The following SLC22A25 variants were observed in gnomAD, a reference collection of about 807,000 sequenced individuals.
SLC22A25 encodes the protein solute carrier family 22 member 25, also known as MGI:2442751, MGI:2385316, MGI:3042283, MGI:3645714, MGI:3605624, MGI:2442750.
In SLC22A25, 44 loss-of-function variants were observed where a neutral mutation model predicts 45.9. That is an observed-to-expected ratio of 0.96 (90% CI 0.75 to 1.23). The LOEUF (loss-of-function observed/expected upper bound fraction) is 1.23. Ranked by LOEUF, SLC22A25 falls within the 50% of genes most tolerant of loss-of-function variation. The probability of loss-of-function intolerance (pLI) is 0.00; values close to 1 mark genes in which losing one functional copy is unlikely to be tolerated. For synonymous variants in SLC22A25, 283 were observed against 238.6 expected (o/e 1.19, Z -1.72); for missense variants, 800 against 666.4 (o/e 1.20, Z -2.21).
intron 5 of SLC22A25, among the ~76,000 whole-genome samples, chr11:63,218,731 G>A (rs1003119284): frequency 6.6e-6 from 1 of 151,998 alleles, no homozygotes; most frequent in Admixed American, 6.6e-5. Flanking sequence ...GATTTTCAGG[G>A]GAGGGTTAAA....
intron 5 of SLC22A25, among the ~76,000 whole-genome samples, chr11:63,223,373 T>G (rs1179757899): frequency 6.6e-6 from 1 of 152,116 alleles, no homozygotes; most frequent in African/African-American, 2.4e-5. Flanking sequence ...TATCTAGGAA[T>G]TTACCCATTT....
intron 3 of SLC22A25, among the ~76,000 whole-genome samples, chr11:63,234,893 A>G (rs950698256): frequency 5.3e-5 from 8 of 152,134 alleles, no homozygotes; most frequent in Non-Finnish European, 1.0e-4. Context: ...TCCTTCACTA[A>G]TGAAGCTTAG....
chr11:63,161,126 G>A lies in SLC22A25; in HGVS notation c.*2698C>T, dbSNP rs2087529894. Among the ~76,000 whole-genome samples, 1 of 152,166 alleles carries A rather than the reference G, an allele frequency of 6.6e-6. No individual in the cohort carries two copies. The highest frequency in any genetic ancestry group is 2.4e-5 in the African/African-American group (1 of 41,440). ...AATCATGGTGGAAGACGATTCCCATGTAGTCAGTGCCTTTTATCTAGGTAC... is the reference window on the plus strand; with the variant it reads ...AATCATGGTGGAAGACGATTCCCATATAGTCAGTGCCTTTTATCTAGGTAC... On this transcript the variant is annotated 3_prime_UTR_variant, in exon 12 of 12. Coordinates refer to ENST00000306494, the MANE Select transcript of SLC22A25 (RefSeq NM_199352.6).
chr11:63,241,323 C>A (rs1204755738), intron 1 of SLC22A25, among the ~76,000 whole-genome samples: 1 of 152,098 alleles, frequency 6.6e-6, no homozygotes, highest in Non-Finnish European at 1.5e-5. Flanking sequence ...ATTGGAGAGG[C>A]TAATGACAGA....
intron 7 of SLC22A25, among the ~76,000 whole-genome samples, chr11:63,189,535 C>A (rs1334862131): frequency 6.6e-6 from 1 of 152,048 alleles, no homozygotes; most frequent in Non-Finnish European, 1.5e-5. Context: ...GAGCATTTAG[C>A]CTATTTACAT....
chr11:63,207,722 CCTT>C (rs1290796123), intron 7 of SLC22A25, among the ~76,000 whole-genome samples: 2 of 152,178 alleles, frequency 1.3e-5, no homozygotes, highest in Non-Finnish European at 2.9e-5. Flanking sequence ...CCTTATCTCT[CCTT>C]CTTTCCTAGG....
At chr11:63,223,310 T>C (rs1442586052) in intron 5 of SLC22A25, among the ~76,000 whole-genome samples, 1 of 152,204 alleles carries the variant, frequency 6.6e-6, no homozygotes, top group East Asian at 1.9e-4. Flanking sequence ...TACTTGTTAT[T>C]GGTCTGTTCT....
intron 5 of SLC22A25, among the ~76,000 whole-genome samples, chr11:63,226,913 G>T (rs2089973451): frequency 6.6e-6 from 1 of 152,212 alleles, no homozygotes; most frequent in South Asian, 2.1e-4. Flanking sequence ...GAATCTGTCT[G>T]TGTGTCCAAT....
chr11:63,204,965 C>T (rs1207502383), intron 7 of SLC22A25, among the ~76,000 whole-genome samples: 1 of 152,208 alleles, frequency 6.6e-6, no homozygotes. Context: ...AACAGTCTCT[C>T]AGACCACAGT....
chr11:63,203,618 A>G (rs1280295639), intron 7 of SLC22A25, among the ~76,000 whole-genome samples: 1 of 152,078 alleles, frequency 6.6e-6, no homozygotes, highest in African/African-American at 2.4e-5. Flanking sequence ...AAAAAGAATG[A>G]AAAGGAATGA....
At chr11:63,179,528 C>G (rs771011894) in intron 9 of SLC22A25, among the ~76,000 whole-genome samples, 6 of 152,042 alleles carry the variant, frequency 3.9e-5, no homozygotes, top group Non-Finnish European at 8.8e-5. Context: ...TTCTGTTTTT[C>G]AGGAACTGGC....
chr11:63,231,304 C>T (rs1436275450), intron 3 of SLC22A25, among the ~76,000 whole-genome samples: 1 of 152,170 alleles, frequency 6.6e-6, no homozygotes, highest in Non-Finnish European at 1.5e-5. Flanking sequence ...ACATCCTCTC[C>T]AGCACCTGTT....
At chr11:63,190,986 C>G (rs2088788100) in intron 7 of SLC22A25, among the ~76,000 whole-genome samples, 1 of 152,214 alleles carries the variant, frequency 6.6e-6, no homozygotes, top group Admixed American at 6.5e-5. Flanking sequence ...TTAGGCTACT[C>G]AGGGTTCAGG....
Position 63,163,986 on chromosome 11 carries a change from T to C in SLC22A25, c.1482A>G (p.Arg494=), listed in dbSNP as rs770183314. The stretch of plus-strand genomic sequence containing the variant: ...CTCCATAGATGATCCAGGGCAGGGG[T>C]CGAGAATATATGCTTAGGATCATCA... ...SLMMILSIYS[R]PLPWIIYGVF... is the part of the protein sequence containing the mutation. Residue 494 remains arginine (R), a synonymous_variant, in exon 12 of 12, where the codon CGA becomes CGG. Coordinates refer to ENST00000306494, the MANE Select transcript of SLC22A25 (RefSeq NM_199352.6). The C allele has an allele frequency of 6.2e-7, 1 of 1,613,570 alleles. No individual in the cohort carries two copies. The highest frequency in any genetic ancestry group is 1.1e-5 in the South Asian group (1 of 91,030).
chr11:63,187,748 G>A (rs1212822062), intron 7 of SLC22A25, among the ~76,000 whole-genome samples: 1 of 152,124 alleles, frequency 6.6e-6, no homozygotes, highest in Non-Finnish European at 1.5e-5. Flanking sequence ...AGAATTTTTA[G>A]GATGAAGAAT....
chr11:63,187,603 G>A (rs932707108), intron 7 of SLC22A25, among the ~76,000 whole-genome samples: 11 of 152,148 alleles, frequency 7.2e-5, no homozygotes, highest in East Asian at 1.9e-4. Context: ...TGGTGAGAGA[G>A]GGCATCCCTG....
At chr11:63,184,027 A>G (rs2088427615) in intron 7 of SLC22A25, among the ~76,000 whole-genome samples, 2 of 152,138 alleles carry the variant, frequency 1.3e-5, no homozygotes, top group Non-Finnish European at 2.9e-5. Flanking sequence ...TGGGATAAAC[A>G]CTTGAGTCAT....
At chr11:63,202,099 C>T (rs539690346) in intron 7 of SLC22A25, among the ~76,000 whole-genome samples, 10 of 152,196 alleles carry the variant, frequency 6.6e-5, no homozygotes, top group South Asian at 4.1e-4. Flanking sequence ...CTGTGAGGGA[C>T]GGTGCATCTG....
chr11:63,234,969 C>T (rs1034700208), intron 3 of SLC22A25, among the ~76,000 whole-genome samples: 24 of 152,276 alleles, frequency 1.6e-4, no homozygotes, highest in Non-Finnish European at 2.9e-4. Context: ...ATTGGCCCCC[C>T]CTCTCTTCTG....
Sources: gnomAD v4.1 joint callset for allele counts (sites outside exome capture counted in the v4.1 genomes callset) on GRCh38, gnomAD v4.1.1 for gene constraint, MANE v1.5 for transcripts, NCBI Gene and HGNC (gene_info 2026-07-23, HGNC 2026-07-21) for gene names.